The following NEK1 variants were observed in gnomAD, a reference collection of about 807,000 sequenced individuals.
NEK1 encodes serine/threonine-protein kinase Nek1.
A neutral mutation model predicts 182.1 loss-of-function variants in NEK1; 137 were observed. The observed-to-expected ratio is 0.75, with a 90% CI of 0.65 to 0.87. NEK1 has a LOEUF of 0.87. Among genes scored for constraint, NEK1 ranks in the 40% least tolerant of loss-of-function variants. NEK1 has a pLI of 0.00. For synonymous variants in NEK1, 513 were observed against 492.2 expected (o/e 1.04, Z -0.56); for missense variants, 1,391 against 1,494.4 (o/e 0.93, Z 1.14).
intron 26 of NEK1, among the ~76,000 whole-genome samples, chr4:169,473,962 T>C (rs1746492133): frequency 6.6e-6 from 1 of 151,948 alleles, no homozygotes; most frequent in African/African-American, 2.4e-5. Context: ...CTGGTTGAAG[T>C]AGATTAAGGG....
intron 23 of NEK1, among the ~76,000 whole-genome samples, chr4:169,488,882 C>T (rs1002033089): frequency 6.6e-6 from 1 of 151,940 alleles, no homozygotes; most frequent in African/African-American, 2.4e-5. Flanking sequence ...GTATATTAAG[C>T]TGGATCTAAA....
intron 12 of NEK1, among the ~76,000 whole-genome samples, chr4:169,562,862 T>C (rs553870283): frequency 6.6e-6 from 1 of 152,326 alleles, no homozygotes; most frequent in South Asian, 2.1e-4. Context: ...TTATATACTG[T>C]TTACCTAACT....
At chr4:169,399,022 G>A (rs1302614881) in intron 35 of NEK1, among the ~76,000 whole-genome samples, 1 of 149,414 alleles carries the variant, frequency 6.7e-6, no homozygotes, top group Non-Finnish European at 1.5e-5. Context: ...CCAAGGAGGG[G>A]TGAATCATTT....
chr4:169,577,181 A>G (rs1037214018), intron 11 of NEK1, 102 bp from the exon 12 acceptor site: 25 of 1,110,846 alleles, frequency 2.3e-5, no homozygotes, highest in Non-Finnish European at 2.6e-5. Context: ...ATAATCATTG[A>G]TAGTATTTTA....
At chr4:169,602,366 T>C in intron 3 of NEK1, 148 bp downstream of exon 3, 2 of 622,722 alleles carry the variant, frequency 3.2e-6, no homozygotes, top group South Asian at 4.3e-5. Flanking sequence ...TGAAAGAATA[T>C]ATAGGCTATT....
Position 169,503,467 on chromosome 4 carries a change from G to A in NEK1, c.2007+3570C>T, listed in dbSNP as rs138525345. Among the ~76,000 whole-genome samples the A allele has an allele frequency of 7.0e-3, 1,071 of 152,026 alleles. 10 individuals carry two copies. Among genetic ancestry groups the A allele is most frequent in the African/African-American group, 0.025 (1,031 of 41,508 alleles). ...TGGAGGAATCACATTACCTGACCTCGAATTATACTACAGAGCTGTAACCAA... is the reference window on the plus strand; with the variant it reads ...TGGAGGAATCACATTACCTGACCTCAAATTATACTACAGAGCTGTAACCAA... On this transcript the variant is annotated intron_variant, in intron 23 of 35. Coordinates refer to ENST00000507142, the MANE Select transcript of NEK1 (RefSeq NM_001199397.3).
intron 27 of NEK1, among the ~76,000 whole-genome samples, chr4:169,448,364 C>T (rs982114671): frequency 6.6e-6 from 1 of 152,108 alleles, no homozygotes; most frequent in African/African-American, 2.4e-5. Context: ...TTTGCAATCA[C>T]TGTTGTCATC....
intron 18 of NEK1, among the ~76,000 whole-genome samples, chr4:169,550,158 T>C (rs1761197296): frequency 6.6e-6 from 1 of 152,160 alleles, no homozygotes; most frequent in South Asian, 2.1e-4. Context: ...TCCTGAGCTG[T>C]TGTGGTGACA....
intron 5 of NEK1, among the ~76,000 whole-genome samples, chr4:169,593,804 C>T (rs1215419428): frequency 1.3e-5 from 2 of 151,972 alleles, no homozygotes; most frequent in Admixed American, 6.6e-5. Context: ...CTGGCTAACA[C>T]GGTGAAACCC....
intron 35 of NEK1, 157 bp downstream of exon 35, chr4:169,400,068 A>C: frequency 1.3e-6 from 1 of 761,962 alleles, no homozygotes; most frequent in Non-Finnish European, 2.3e-6. Flanking sequence ...GATCAGTAAA[A>C]GTACATGACA....
intron 31 of NEK1, among the ~76,000 whole-genome samples, chr4:169,423,210 C>A (rs1251633751): frequency 6.6e-6 from 1 of 152,196 alleles, no homozygotes; most frequent in East Asian, 1.9e-4. Flanking sequence ...TCAAGTGATT[C>A]TCTTGCCTCA....
chr4:169,523,832 T>G (rs1040346450), intron 19 of NEK1, among the ~76,000 whole-genome samples: 1 of 152,236 alleles, frequency 6.6e-6, no homozygotes, highest in Non-Finnish European at 1.5e-5. Flanking sequence ...CATATTACAG[T>G]CATTAATTTC....
chr4:169,497,849 T>C (rs1273635523), intron 23 of NEK1, among the ~76,000 whole-genome samples: 2 of 152,128 alleles, frequency 1.3e-5, no homozygotes, highest in Non-Finnish European at 2.9e-5. Flanking sequence ...TTGAAATAGG[T>C]GTGGTGTGGT....
At chr4:169,465,825 A>C (rs938823887) in intron 26 of NEK1, among the ~76,000 whole-genome samples, 1 of 152,316 alleles carries the variant, frequency 6.6e-6, no homozygotes, top group East Asian at 1.9e-4. Flanking sequence ...GCTTAAAAGC[A>C]AGACTTGAAA....
At chr4:169,536,101 C>G (rs1053282080) in intron 19 of NEK1, among the ~76,000 whole-genome samples, 4 of 151,708 alleles carry the variant, frequency 2.6e-5, no homozygotes, top group African/African-American at 9.7e-5. Context: ...TCAAGACCAG[C>G]CTGGCCAACA....
At chr4:169,445,495 G>A (rs1406778555) in intron 27 of NEK1, among the ~76,000 whole-genome samples, 1 of 151,976 alleles carries the variant, frequency 6.6e-6, no homozygotes, top group African/African-American at 2.4e-5. Context: ...AGCAAAAAAA[G>A]GTCAAATCCA....
rs762883068 is a variant in NEK1 at position 169,446,325 on chromosome 4, T to C, written c.2588-8066A>G. ...AGAGTGAAGACCCAAATAAAGAAAA[T>C]AAAAAACAAAGAGCCATTACAACAA... On this transcript the variant is annotated intron_variant, in intron 27 of 35. Transcript: ENST00000507142. Among the ~76,000 whole-genome samples the C allele has an allele frequency of 3.6e-4, 54 of 149,528 alleles. 1 individual carries two copies. In the South Asian group the frequency reaches 8.3e-3, roughly 23 times the overall value.
intron 32 of NEK1, among the ~76,000 whole-genome samples, chr4:169,406,159 C>CGG (rs1732564216): frequency 2.2e-5 from 2 of 91,854 alleles, no homozygotes; most frequent in African/African-American, 9.5e-5. Flanking sequence ...AGGCTGGTCT[C>CGG]ACATTCCTCC....
chr4:169,538,037 T>C (rs748945816), intron 18 of NEK1, 126 bp from the exon 19 acceptor site: 4 of 603,050 alleles, frequency 6.6e-6, no homozygotes, highest in African/African-American at 1.9e-5. Context: ...ACTATCTCTG[T>C]AATGAAGAAA....
Sources: allele counts gnomAD v4.1 joint callset (sites outside exome capture counted in the v4.1 genomes callset), GRCh38; gene constraint gnomAD v4.1.1; transcripts MANE v1.5; gene names NCBI Gene and HGNC (gene_info 2026-07-23, HGNC 2026-07-21).